MYO10: variants seen among roughly 807,000 people sequenced by gnomAD.
The protein encoded by MYO10 is unconventional myosin-X.
Under a neutral mutation model 257.3 loss-of-function variants are expected in MYO10, and 133 were observed. The ratio of observed to expected loss-of-function variants is 0.52; its 90% confidence interval spans 0.45 to 0.60. The LOEUF is 0.60. Ranked by LOEUF, MYO10 falls within the 20% of genes least tolerant of loss-of-function variation. MYO10 has a pLI of 0.00. For synonymous variants in MYO10, 1,104 were observed against 1,028.6 expected (o/e 1.07, Z -1.40); for missense variants, 2,399 against 2,635.7 (o/e 0.91, Z 1.97).
In MYO10 at chr5:16,758,185, C is replaced by A; in HGVS notation, c.1781G>T (p.Arg594Leu). ...IYDLFEHVSS[R>L]NNQDTLKCGS... ...ACATTTCAAGGTATCCTGGTTGTTGCGGCTTGAAACATGTTCAAAAAGATC... is the reference window on the plus strand; with the variant it reads ...ACATTTCAAGGTATCCTGGTTGTTGAGGCTTGAAACATGTTCAAAAAGATC... The change falls in exon 18 of 41, where the codon CGC (arginine) becomes CTC (leucine). Residue 594 changes from arginine to leucine, a missense_variant. By Grantham distance (102) the Arg-to-Leu change is moderately radical (BLOSUM62 -2). Around this residue, in one of 3 missense-constraint regions of MYO10, gnomAD observed 1,820 missense variants for 1,939.4 expected, o/e 0.94. Transcript: ENST00000513610. 1 of 1,613,530 alleles carries A rather than the reference C, an allele frequency of 6.2e-7. No homozygotes were observed.
At chr5:16,836,336 C>A (rs1463280511) in intron 2 of MYO10, among the ~76,000 whole-genome samples, 1 of 152,206 alleles carries the variant, frequency 6.6e-6, no homozygotes, top group Admixed American at 6.5e-5. Context: ...AGCTCCTCCT[C>A]CACTGTTACA....
chr5:16,675,217 A>G (rs1736670667), intron 34 of MYO10, 67 bp from the exon 35 acceptor site: 1 of 1,529,744 alleles, frequency 6.5e-7, no homozygotes, highest in East Asian at 2.3e-5. Context: ...GCATAATCGG[A>G]GCAGTAGTCA....
At chr5:16,829,343 C>G (rs73754004) in intron 2 of MYO10, among the ~76,000 whole-genome samples, 4,778 of 152,174 alleles carry the variant, frequency 0.031, 180 homozygotes, top group African/African-American at 0.093. Context: ...GCAACACTAA[C>G]ATCAAACACA....
chr5:16,932,976 C>T (rs1283197572), intron 1 of MYO10, among the ~76,000 whole-genome samples: 1 of 152,152 alleles, frequency 6.6e-6, no homozygotes, highest in Admixed American at 6.5e-5. Context: ...CCCGGCTGGT[C>T]TTGAACTCCT....
intron 3 of MYO10, among the ~76,000 whole-genome samples, chr5:16,816,810 G>A (rs901368319): frequency 2.0e-5 from 3 of 150,986 alleles, no homozygotes; most frequent in African/African-American, 7.3e-5. Flanking sequence ...TTACAGGCGT[G>A]AGCCACCGCA....
rs982335710 is a variant in MYO10, at chr5:16,936,053, A to T, written c.-245T>A. The stretch of plus-strand genomic sequence containing the variant: ...CTCTTCTTCCTCCAAGTTCCTCACT[A>T]CTGGGCGCAGCGCTCGCAAGCGGAG... On this transcript the variant is annotated 5_prime_UTR_variant, in exon 1 of 41. An upstream open reading frame in the 5' UTR loses its in-frame stop. Coordinates refer to ENST00000513610, the MANE Select transcript of MYO10 (RefSeq NM_012334.3). 67 of 542,900 alleles carry T rather than the reference A, an allele frequency of 1.2e-4. No individual in the cohort carries two copies. In the South Asian group the frequency reaches 1.5e-3, roughly 12 times the overall value. 33.6% of individuals were successfully genotyped at this position (542,900 alleles called of 1,614,324 possible). A position where few individuals can be genotyped will look rare whatever the true frequency, so the allele number is the denominator to read the frequency against.
rs1742677944 is a variant in MYO10 at position 16,818,083 on chromosome 5, C to T, written c.205G>A (p.Ala69Thr). 6.2e-7 allele frequency: 1 copy of T among 1,611,584 alleles called. No individual in the cohort carries two copies. Among genetic ancestry groups the T allele is most frequent in the Non-Finnish European group, 8.5e-7 (1 of 1,178,538 alleles). The change falls in exon 3 of 41, where the codon GCG (alanine) becomes ACG (threonine). Residue 69 changes from alanine to threonine, a missense_variant. Transcript: ENST00000513610. ...PTNEEGVDDM[A>T]SLTELHGGSI... ...CCGCCATGGAGCTCTGTCAAGGACG[C>T]CATGTCATCCACGCCCTCCTCGTTC...
At chr5:16,756,978 G>A (rs1451549388) in intron 18 of MYO10, among the ~76,000 whole-genome samples, 1 of 151,956 alleles carries the variant, frequency 6.6e-6, no homozygotes, top group Non-Finnish European at 1.5e-5. Flanking sequence ...AATTAGCCAT[G>A]CGTAATGGCG....
intron 26 of MYO10, among the ~76,000 whole-genome samples, chr5:16,697,566 C>T (rs964704130): frequency 9.2e-5 from 14 of 151,900 alleles, no homozygotes; most frequent in East Asian, 1.9e-4. Context: ...TGGGCATTGG[C>T]GTGTGCCTGT....
At chr5:16,836,242 T>A (rs188909721) in intron 2 of MYO10, among the ~76,000 whole-genome samples, 1 of 152,154 alleles carries the variant, frequency 6.6e-6, no homozygotes. Flanking sequence ...TAGAATGCGA[T>A]GGAATCAAAA....
At chr5:16,835,503 T>TGG (rs892467386) in intron 2 of MYO10, among the ~76,000 whole-genome samples, 2 of 144,468 alleles carry the variant, frequency 1.4e-5, no homozygotes, top group African/African-American at 5.2e-5. Context: ...TTTTTTTTTT[T>TGG]TTTTTTTTTT....
At chr5:16,844,954 GCACACACA>G (rs70943809) in intron 2 of MYO10, among the ~76,000 whole-genome samples, 1 of 142,310 alleles carries the variant, frequency 7.0e-6, no homozygotes, top group Non-Finnish European at 1.5e-5. Context: ...ACACACACAC[GCACACACA>G]CACACACACA....
intron 2 of MYO10, among the ~76,000 whole-genome samples, chr5:16,875,934 G>A (rs1744587192): frequency 6.6e-6 from 1 of 152,078 alleles, no homozygotes; most frequent in Non-Finnish European, 1.5e-5. Context: ...ATGGTGAAAT[G>A]AAACCCCATC....
chr5:16,928,265 G>A (rs1161152597), intron 1 of MYO10, among the ~76,000 whole-genome samples: 1 of 152,014 alleles, frequency 6.6e-6, no homozygotes, highest in Non-Finnish European at 1.5e-5. Flanking sequence ...GAGTGCAGTG[G>A]CTCACCGTAA....
intron 27 of MYO10, among the ~76,000 whole-genome samples, chr5:16,691,554 C>T (rs898912082): frequency 1.3e-5 from 2 of 151,878 alleles, no homozygotes; most frequent in African/African-American, 4.8e-5. Context: ...CAAAAATTAG[C>T]CAAGCTTGGT....
At chr5:16,903,297 C>T (rs189946311) in intron 1 of MYO10, among the ~76,000 whole-genome samples, 66 of 152,250 alleles carry the variant, frequency 4.3e-4, no homozygotes, top group African/African-American at 1.2e-3. Context: ...CCTAGCAACT[C>T]GGGAGGCTGA....
chr5:16,805,650 G>A (rs1459491444), intron 3 of MYO10, among the ~76,000 whole-genome samples: 4 of 152,188 alleles, frequency 2.6e-5, no homozygotes, highest in African/African-American at 9.7e-5. Context: ...GTGGGGCCAC[G>A]TACCGGTTTC....
chr5:16,704,554 T>C (rs1294694336), intron 22 of MYO10, 25 bp downstream of exon 22: 1 of 1,595,532 alleles, frequency 6.3e-7, no homozygotes, highest in African/African-American at 1.3e-5. Flanking sequence ...CTTCCTGCCT[T>C]ATCCCCTCAG....
chr5:16,818,414 A>ATG (rs1561000929), intron 2 of MYO10, among the ~76,000 whole-genome samples: 32 of 138,220 alleles, frequency 2.3e-4, no homozygotes, highest in African/African-American at 8.6e-4. Flanking sequence ...GTGTGTGTAT[A>ATG]TATATATATA....
Sources: allele counts gnomAD v4.1 joint callset (sites outside exome capture counted in the v4.1 genomes callset), GRCh38; gene constraint gnomAD v4.1.1; regional missense constraint gnomAD v4.1.1; transcripts MANE v1.5; gene names NCBI Gene and HGNC (gene_info 2026-07-23, HGNC 2026-07-21).